P2RX5: variants seen among roughly 807,000 people sequenced by gnomAD.
P2RX5 encodes purinergic receptor P2X 5, also known as P2X purinoceptor 5.
In P2RX5, 46 loss-of-function variants were observed where a neutral mutation model predicts 54.1. The ratio of observed to expected loss-of-function variants is 0.85; its 90% CI spans 0.67 to 1.09. The LOEUF is 1.09. Ranked by LOEUF, P2RX5 falls within the 50% of genes least tolerant of loss-of-function variation. The pLI is 0.00. For missense variants in P2RX5, 566 were observed against 549.8 expected, an observed-to-expected ratio of 1.03 and a Z score of -0.29; for synonymous variants, 226 against 226.4, an observed-to-expected ratio of 1.00 and a Z score of 0.02.
rs1002281795 is a variant in P2RX5, at chr17:3,678,143, G to A, written c.1259+1447C>T. The A allele has an allele frequency of 5.1e-6, 5 of 982,674 alleles. No individual in the cohort carries two copies. In the African/African-American group the frequency reaches 8.7e-5, roughly 17 times the overall value. The allele number at this position is 982,674 out of a possible 1,614,324, so 60.9% of individuals were successfully genotyped here. On this transcript the variant is annotated intron_variant, in intron 11 of 11. Transcript: ENST00000225328. ...ATTCTGCAAATGGCCAGACCTGTGT[G>A]TGGGCGGGAGGGGGCGCACAGGGCA...
intron 6 of P2RX5, 122 bp downstream of exon 6, chr17:3,689,948 A>G (rs1380574753): frequency 3.2e-6 from 3 of 928,246 alleles, no homozygotes; most frequent in Non-Finnish European, 5.4e-6. Flanking sequence ...ACACGCGAAC[A>G]CACGCACACA....
At chr17:3,682,436 G>C in intron 9 of P2RX5, 1 of 251,264 alleles carries the variant, frequency 4.0e-6, no homozygotes, top group East Asian at 9.9e-5. Context: ...GACTAAAGAG[G>C]AGTTTATACA....
At chr17:3,689,090 C>T (rs148998827) in intron 7 of P2RX5, among the ~76,000 whole-genome samples, 13 of 152,386 alleles carry the variant, frequency 8.5e-5, no homozygotes, top group Admixed American at 3.3e-4. Flanking sequence ...GACTCAGAAC[C>T]GCACAGCAGG....
chr17:3,689,435 G>A (rs2050539506), intron 7 of P2RX5, 57 bp downstream of exon 7: 1 of 1,603,454 alleles, frequency 6.2e-7, no homozygotes, highest in African/African-American at 1.3e-5. Context: ...TCGTCACAGA[G>A]CCAGGCCCAG....
the P2RX5 span, chr17:3,723,243 TGAGCAACTG>T: frequency 7.9e-7 from 1 of 1,263,200 alleles, no homozygotes; most frequent in Non-Finnish European, 1.2e-6. Flanking sequence ...GCGATGCCCG[TGAGCAACTG>T]GATAATCAAA....
chr17:3,688,762 T>A lies in P2RX5; in HGVS notation c.754-3A>T, dbSNP rs755866535. 1.2e-4 allele frequency: 201 copies of A among 1,613,810 alleles called. No individual in the cohort carries two copies. The highest frequency in any genetic ancestry group is 1.6e-4 in the Non-Finnish European group (186 of 1,179,952). On this transcript the variant is annotated splice_polypyrimidine_tract_variant and splice_region_variant and intron_variant, in intron 7 of 11. Transcript: ENST00000225328. Reference sequence around the variant, plus strand: ...ATATTAATTCCTATCACGCCACCCTTGATAAAAGAGAGATGAGGGTCAGCA... The same window carrying A: ...ATATTAATTCCTATCACGCCACCCTAGATAAAAGAGAGATGAGGGTCAGCA...
chr17:3,691,253 C>A (rs570506470), intron 2 of P2RX5, among the ~76,000 whole-genome samples: 1 of 152,204 alleles, frequency 6.6e-6, no homozygotes, highest in Non-Finnish European at 1.5e-5. Context: ...CCCCAGGATC[C>A]GGGAGAAGTG....
rs566898562 is a variant in P2RX5, at chr17:3,676,537, G to A, written c.1260-2660C>T. 9 of 985,254 alleles carry A rather than the reference G, an allele frequency of 9.1e-6. No homozygotes were observed. The South Asian group carries it at 1.4e-4, about 15-fold the overall frequency. 61.0% of individuals were successfully genotyped at this position (985,254 alleles called of 1,614,324 possible). ...CTGAGCATACTGCTGCTTTCAGGGTGGGGGAGGAAGCCTCTTGGTCTCTAG... is the reference window on the plus strand; with the variant it reads ...CTGAGCATACTGCTGCTTTCAGGGTAGGGGAGGAAGCCTCTTGGTCTCTAG... On this transcript the variant is annotated intron_variant, in intron 11 of 11. Coordinates refer to ENST00000225328, the MANE Select transcript of P2RX5 (RefSeq NM_002561.4).
At chr17:3,677,193 C>G (rs2050124329) in intron 11 of P2RX5, 1 of 985,226 alleles carries the variant, frequency 1.0e-6, no homozygotes, top group Non-Finnish European at 1.2e-6. Flanking sequence ...GCCTCCCTAA[C>G]TCAGCCCGTT....
At chr17:3,709,871 T>C in the P2RX5 span, among the ~76,000 whole-genome samples, 88 of 152,250 alleles carry the variant, frequency 5.8e-4, 1 homozygote, top group Non-Finnish European at 9.1e-4. Context: ...ATCATGCTAC[T>C]GCACCCCAGC....
At chr17:3,695,398 C>T (rs976861518) in intron 1 of P2RX5, among the ~76,000 whole-genome samples, 1 of 152,108 alleles carries the variant, frequency 6.6e-6, no homozygotes, top group Non-Finnish European at 1.5e-5. Flanking sequence ...AGGAACATGC[C>T]GGGCTGATGA....
chr17:3,721,260 CTTTTTTTTTTTTTT>C, the P2RX5 span, among the ~76,000 whole-genome samples: 2 of 46,200 alleles, frequency 4.3e-5, no homozygotes, highest in South Asian at 1.2e-3. Flanking sequence ...GAGATTTTTC[CTTTTTTTTTTTTTT>C]TTTTTTTTTT....
Position 3,688,086 on chromosome 17 carries a change from C to G in P2RX5, c.907G>C (p.Asp303His). The G allele has an allele frequency of 6.2e-7, 1 of 1,603,958 alleles. No individual in the cohort carries two copies. The highest frequency in any genetic ancestry group is 8.5e-7 in the Non-Finnish European group (1 of 1,174,234). Reference protein sequence around the residue: ...YNFRFARYYRDAAGVEFRTLM... With the variant: ...YNFRFARYYRHAAGVEFRTLM... ...GTGCGGAACTCCACCCCGGCTGCGT[C>G]TCGGTAATATCTGGCAAATCTGAGG... The change falls in exon 9 of 12, where the codon GAC becomes CAC. Residue 303 changes from aspartate (D) to histidine (H), a missense_variant. Coordinates refer to ENST00000225328, the MANE Select transcript of P2RX5 (RefSeq NM_002561.4).
intron 11 of P2RX5, among the ~76,000 whole-genome samples, chr17:3,679,053 G>A (rs1165706328): frequency 6.6e-6 from 1 of 152,208 alleles, no homozygotes; most frequent in Non-Finnish European, 1.5e-5. Flanking sequence ...ACACAGAAGA[G>A]GGGCTGAGGG....
upstream of P2RX5, among the ~76,000 whole-genome samples, chr17:3,700,142 T>C (rs1206966726): frequency 6.6e-6 from 1 of 152,168 alleles, no homozygotes; most frequent in Non-Finnish European, 1.5e-5. Flanking sequence ...TATCTCCCCA[T>C]GGCTGAGGCC....
the P2RX5 span, chr17:3,723,751 C>G: frequency 1.2e-6 from 2 of 1,606,916 alleles, no homozygotes; most frequent in African/African-American, 2.7e-5. Flanking sequence ...AGGCCTGAAA[C>G]GAGAGCCATG....
chr17:3,677,387 C>G (rs1169339982), intron 11 of P2RX5: 1 of 985,292 alleles, frequency 1.0e-6, no homozygotes, highest in African/African-American at 1.7e-5. Context: ...TCTTGCCTCC[C>G]CTTCCCCATC....
chr17:3,701,939 TG>T, the P2RX5 span, among the ~76,000 whole-genome samples: 1 of 151,548 alleles, frequency 6.6e-6, no homozygotes, highest in Non-Finnish European at 1.5e-5. Context: ...TTTTTTTGTG[TG>T]TAATTTTTTC....
the P2RX5 span, chr17:3,723,179 GATCT>G: frequency 1.3e-6 from 1 of 799,420 alleles, no homozygotes; most frequent in Non-Finnish European, 2.1e-6. Context: ...TGCACCAAAA[GATCT>G]ATTTTGGACA....
Sources: allele counts gnomAD v4.1 joint callset (sites outside exome capture counted in the v4.1 genomes callset), GRCh38; gene constraint gnomAD v4.1.1; transcripts MANE v1.5; gene names NCBI Gene and HGNC (gene_info 2026-07-23, HGNC 2026-07-21).